Variants in SCARA5 observed in about 807,000 individuals in gnomAD.
SCARA5 encodes scavenger receptor class A, member 5 (putative).
A neutral mutation model predicts 46.3 loss-of-function variants in SCARA5; 45 were observed. The ratio of observed to expected loss-of-function variants is 0.97; its 90% CI spans 0.76 to 1.24. SCARA5 has a LOEUF of 1.24. SCARA5 is among the 50% of genes most tolerant of loss of function. The pLI is 0.00. For missense variants in SCARA5, 680 were observed against 689.0 expected, an observed-to-expected ratio of 0.99 and a Z score of 0.15; for synonymous variants, 333 against 306.5, an observed-to-expected ratio of 1.09 and a Z score of -0.90.
chr8:27,885,556 C>A (rs1349370450), intron 7 of SCARA5, among the ~76,000 whole-genome samples: 2 of 152,150 alleles, frequency 1.3e-5, no homozygotes, highest in African/African-American at 4.8e-5. Context: ...TTAATATGGA[C>A]CCAGATGGGC....
At chr8:27,932,953 A>G (rs1807800612) in intron 3 of SCARA5, among the ~76,000 whole-genome samples, 1 of 152,210 alleles carries the variant, frequency 6.6e-6, no homozygotes, top group African/African-American at 2.4e-5. Flanking sequence ...TCTTATAAGG[A>G]CAGCAGTCCT....
chr8:27,914,878 G>C (rs1438405498), intron 4 of SCARA5, among the ~76,000 whole-genome samples: 1 of 152,148 alleles, frequency 6.6e-6, no homozygotes, highest in African/African-American at 2.4e-5. Flanking sequence ...GAAGCACCGG[G>C]GTTTTCCTGG....
chr8:27,883,279 A>G (rs1806840384), intron 7 of SCARA5, among the ~76,000 whole-genome samples: 1 of 152,252 alleles, frequency 6.6e-6, no homozygotes, highest in Non-Finnish European at 1.5e-5. Context: ...TTGGATCATC[A>G]CAAAGCCAGG....
At chr8:27,925,118 A>C (rs1807659541) in intron 3 of SCARA5, among the ~76,000 whole-genome samples, 1 of 152,238 alleles carries the variant, frequency 6.6e-6, no homozygotes, top group Non-Finnish European at 1.5e-5. Flanking sequence ...GACTTTCTTC[A>C]CACAACTGGA....
chr8:27,960,569 C>T (rs753817230), intron 3 of SCARA5, among the ~76,000 whole-genome samples: 7 of 152,164 alleles, frequency 4.6e-5, no homozygotes, highest in Admixed American at 3.9e-4. Context: ...GTAGGCACCA[C>T]GATCAACCCA....
chr8:27,934,680 C>T (rs1200054848), intron 3 of SCARA5, among the ~76,000 whole-genome samples: 1 of 152,202 alleles, frequency 6.6e-6, no homozygotes, highest in African/African-American at 2.4e-5. Context: ...CAGAGCTCTT[C>T]CTTGCATTAA....
At chr8:27,897,638 C>T (rs1051521116) in intron 7 of SCARA5, among the ~76,000 whole-genome samples, 4 of 152,198 alleles carry the variant, frequency 2.6e-5, no homozygotes, top group African/African-American at 7.2e-5. Context: ...GCACCGCAGG[C>T]TCGGCTGCCT....
chr8:27,895,804 T>C (rs926363277), intron 7 of SCARA5, among the ~76,000 whole-genome samples: 13 of 152,210 alleles, frequency 8.5e-5, no homozygotes, highest in African/African-American at 2.4e-4. Flanking sequence ...ACTGGACTTT[T>C]AAAAACTGTG....
At chr8:27,974,592 C>A (rs967396424) in intron 2 of SCARA5, among the ~76,000 whole-genome samples, 4 of 152,122 alleles carry the variant, frequency 2.6e-5, no homozygotes, top group African/African-American at 4.8e-5. Flanking sequence ...CTGGGAGGAA[C>A]CTCAGAGCTC....
At chr8:27,921,161 G>A (rs1304616126) in intron 4 of SCARA5, among the ~76,000 whole-genome samples, 1 of 152,238 alleles carries the variant, frequency 6.6e-6, no homozygotes, top group Non-Finnish European at 1.5e-5. Flanking sequence ...CCCTGGGAAT[G>A]ACACTAGAGG....
rs748495612 is a variant in SCARA5, at chr8:27,922,261, A to AG, written c.242-17dup. The AG allele has an allele frequency of 6.7e-7, 1 of 1,500,666 alleles. No homozygotes were observed. 93.0% of individuals were successfully genotyped at this position (1,500,666 alleles called of 1,614,324 possible). Reference sequence around the variant, plus strand: ...GGCCTGGACACTGCGGAGGAGGAAGAGGGGAGACTTGAGCACCGCTGGGGA... The same window carrying AG: ...GGCCTGGACACTGCGGAGGAGGAAGAGGGGGAGACTTGAGCACCGCTGGGGA... On this transcript the variant is annotated splice_polypyrimidine_tract_variant and intron_variant, in intron 3 of 8. Coordinates refer to ENST00000354914, the MANE Select transcript of SCARA5 (RefSeq NM_173833.6).
At chr8:27,875,900 C>T (rs1356032071) in intron 8 of SCARA5, among the ~76,000 whole-genome samples, 1 of 152,162 alleles carries the variant, frequency 6.6e-6, no homozygotes, top group South Asian at 2.1e-4. Flanking sequence ...ACTCAGGAGG[C>T]TGAGGCAGGA....
chr8:27,963,589 C>A (rs1808322717), intron 3 of SCARA5, among the ~76,000 whole-genome samples: 1 of 152,112 alleles, frequency 6.6e-6, no homozygotes, highest in African/African-American at 2.4e-5. Flanking sequence ...TGGGCAGAAT[C>A]CAACTGATAG....
intron 7 of SCARA5, among the ~76,000 whole-genome samples, chr8:27,891,086 G>A (rs1806972994): frequency 6.6e-6 from 1 of 152,128 alleles, no homozygotes. Flanking sequence ...CAGGGTTGTT[G>A]AGGGGATCAG....
At chr8:27,883,019 A>G (rs550047201) in intron 7 of SCARA5, among the ~76,000 whole-genome samples, 1 of 152,318 alleles carries the variant, frequency 6.6e-6, no homozygotes, top group South Asian at 2.1e-4. Flanking sequence ...CAAAGCTAAA[A>G]GGGCTCTGGG....
intron 2 of SCARA5, among the ~76,000 whole-genome samples, chr8:27,970,686 C>T: frequency 6.6e-6 from 1 of 152,142 alleles, no homozygotes; most frequent in East Asian, 1.9e-4. Flanking sequence ...TTACTAACAC[C>T]ACCGGCTCAC....
intron 3 of SCARA5, among the ~76,000 whole-genome samples, chr8:27,947,294 G>C (rs1425745568): frequency 2.0e-5 from 3 of 152,178 alleles, no homozygotes; most frequent in Non-Finnish European, 4.4e-5. Flanking sequence ...TTACAGGCAT[G>C]AGCGACTGCA....
In SCARA5 at chr8:27,879,866, G is replaced by C. The variant is rs73564928; in HGVS notation, c.1154-100C>G. 4.4e-6 allele frequency: 5 copies of C among 1,146,832 alleles called. No homozygotes were observed. In the East Asian group the frequency reaches 1.3e-4, roughly 29 times the overall value. The allele number at this position is 1,146,832 out of a possible 1,614,324, so 71.0% of individuals were successfully genotyped here. A position where few individuals can be genotyped will look rare whatever the true frequency, so the allele number is the denominator to read the frequency against. Reference sequence around the variant, plus strand: ...CGCCTACCCCTGGGTAGGAGGAAGAGAGGGCTGGGGCCCAGCTGTATCAAG... The same window carrying C: ...CGCCTACCCCTGGGTAGGAGGAAGACAGGGCTGGGGCCCAGCTGTATCAAG... On this transcript the variant is annotated intron_variant, in intron 7 of 8. Transcript: ENST00000354914.
intron 5 of SCARA5, among the ~76,000 whole-genome samples, chr8:27,907,850 G>A (rs1026195430): frequency 3.3e-5 from 5 of 152,132 alleles, no homozygotes; most frequent in African/African-American, 7.2e-5. Flanking sequence ...AATTACAGGC[G>A]TGAGCCACCG....
Sources: gnomAD v4.1 joint callset for allele counts (sites outside exome capture counted in the v4.1 genomes callset) on GRCh38, gnomAD v4.1.1 for gene constraint, MANE v1.5 for transcripts, NCBI Gene and HGNC (gene_info 2026-07-23, HGNC 2026-07-21) for gene names.